The following MEIS1 variants were observed in gnomAD, a reference collection of about 807,000 sequenced individuals.
MEIS1 encodes Meis homeobox 1.
MEIS1 carries 5 observed loss-of-function variants against 50.8 expected under a neutral mutation model. The ratio of observed to expected loss-of-function variants is 0.10; its 90% CI spans 0.05 to 0.21. The LOEUF (loss-of-function observed/expected upper bound fraction) is 0.21, where lower values mean the gene tolerates loss of function less well. MEIS1 is among the 10% of genes least tolerant of loss of function. The pLI is 1.00. For synonymous variants in MEIS1, 176 were observed against 179.3 expected, an observed-to-expected ratio of 0.98 and a Z score of 0.15; for missense variants, 318 against 517.3, an observed-to-expected ratio of 0.61 and a Z score of 3.74.
At chr2:66,547,616 A>T (rs899604610) in intron 8 of MEIS1, among the ~76,000 whole-genome samples, 1 of 152,202 alleles carries the variant, frequency 6.6e-6, no homozygotes, top group Admixed American at 6.6e-5. Context: ...TTTAGGTGGT[A>T]ACAAATGGCT....
At chr2:66,439,391 C>G in intron 2 of MEIS1, 5 of 1,264,108 alleles carry the variant, frequency 4.0e-6, no homozygotes, top group South Asian at 3.0e-5. Flanking sequence ...CCGAGATCCC[C>G]CGAGCCTGGG....
At chr2:66,487,651 G>T (rs1206373715) in intron 7 of MEIS1, among the ~76,000 whole-genome samples, 2 of 152,192 alleles carry the variant, frequency 1.3e-5, no homozygotes, top group East Asian at 3.8e-4. Context: ...GTCCTTCTAA[G>T]AGGACCTGTG....
intron 8 of MEIS1, among the ~76,000 whole-genome samples, chr2:66,531,079 G>T (rs113278899): frequency 7.2e-5 from 11 of 152,286 alleles, no homozygotes; most frequent in African/African-American, 2.4e-4. Flanking sequence ...CACGTTAACA[G>T]GTGAACAATC....
At chr2:66,528,744 A>G (rs1012181221) in intron 8 of MEIS1, among the ~76,000 whole-genome samples, 2 of 152,148 alleles carry the variant, frequency 1.3e-5, no homozygotes, top group Middle Eastern at 3.2e-3. Flanking sequence ...CCTTATTTTG[A>G]CACAGTTTTT....
At chr2:66,507,741 A>G (rs1200277517) in intron 7 of MEIS1, among the ~76,000 whole-genome samples, 1 of 152,226 alleles carries the variant, frequency 6.6e-6, no homozygotes, top group African/African-American at 2.4e-5. Context: ...AGTCTGACCC[A>G]TTGAATGGCC....
intron 9 of MEIS1, among the ~76,000 whole-genome samples, chr2:66,556,769 G>T (rs1342295232): frequency 6.6e-6 from 1 of 152,062 alleles, no homozygotes; most frequent in Non-Finnish European, 1.5e-5. Context: ...TGGGTAGGGG[G>T]ATGTTTTAAA....
intron 8 of MEIS1, among the ~76,000 whole-genome samples, chr2:66,519,376 G>A (rs1189504052): frequency 1.3e-5 from 2 of 152,120 alleles, no homozygotes; most frequent in African/African-American, 2.4e-5. Context: ...TGATGTGTGA[G>A]CACTTTCACT....
At chr2:66,495,078 ACCTTTTTTTTTTTT>A (rs1259348951) in intron 7 of MEIS1, among the ~76,000 whole-genome samples, 4 of 85,014 alleles carry the variant, frequency 4.7e-5, no homozygotes, top group Admixed American at 1.3e-4. Flanking sequence ...CCCTCTTCTG[ACCTTTTTTTTTTTT>A]TTTTTTTTTT....
intron 9 of MEIS1, among the ~76,000 whole-genome samples, chr2:66,557,430 T>TA (rs1418106202): frequency 6.6e-6 from 1 of 152,214 alleles, no homozygotes; most frequent in Non-Finnish European, 1.5e-5. Context: ...TGCCCCTCTT[T>TA]ATACTTCCGT....
intron 7 of MEIS1, among the ~76,000 whole-genome samples, chr2:66,480,816 G>T (rs1034174428): frequency 6.6e-6 from 1 of 152,134 alleles, no homozygotes; most frequent in Non-Finnish European, 1.5e-5. Flanking sequence ...GAGAATAACT[G>T]CTTGCTGACT....
chr2:66,502,010 T>C (rs1673568650), intron 7 of MEIS1, among the ~76,000 whole-genome samples: 1 of 152,224 alleles, frequency 6.6e-6, no homozygotes, highest in African/African-American at 2.4e-5. Flanking sequence ...CTTAATTGAA[T>C]GAATTATTTA....
chr2:66,530,319 A>G lies in MEIS1; in HGVS notation c.889-17624A>G, dbSNP rs762047805. Among the ~76,000 whole-genome samples, 76 of 152,226 alleles carry G rather than the reference A, an allele frequency of 5.0e-4. 1 individual carries two copies. The highest frequency in any genetic ancestry group is 4.1e-4 in the South Asian group (2 of 4,832). ...GACTGGCTAGACTTTTAACAGGCAC[A>G]TTTCATAATCAATCTGTTTTTCACA... is the stretch of plus-strand genomic sequence containing the variant. On this transcript the variant is annotated intron_variant, in intron 8 of 12. Coordinates refer to ENST00000272369, the MANE Select transcript of MEIS1 (RefSeq NM_002398.3).
At chr2:66,523,583 T>G (rs1042996543) in intron 8 of MEIS1, among the ~76,000 whole-genome samples, 2 of 152,216 alleles carry the variant, frequency 1.3e-5, no homozygotes, top group Admixed American at 1.3e-4. Context: ...TGAGCTGACG[T>G]GTATGTTGAA....
At chr2:66,555,350 C>T (rs1675035124) in intron 9 of MEIS1, among the ~76,000 whole-genome samples, 1 of 146,366 alleles carries the variant, frequency 6.8e-6, no homozygotes, top group Non-Finnish European at 1.5e-5. Context: ...GTGGAAGAAC[C>T]GTATTACATT....
intron 7 of MEIS1, among the ~76,000 whole-genome samples, chr2:66,497,286 A>T (rs535574610): frequency 6.6e-6 from 1 of 152,334 alleles, no homozygotes; most frequent in Admixed American, 6.5e-5. Flanking sequence ...TGTATTCCTT[A>T]TCTGTATAGC....
chr2:66,492,291 T>C (rs538632088), intron 7 of MEIS1, among the ~76,000 whole-genome samples: 79 of 152,132 alleles, frequency 5.2e-4, no homozygotes, highest in African/African-American at 1.9e-3. Context: ...CAACTCCACA[T>C]GTTCCGTAGA....
At chr2:66,533,530 T>A (rs1035390765) in intron 8 of MEIS1, among the ~76,000 whole-genome samples, 32 of 152,182 alleles carry the variant, frequency 2.1e-4, no homozygotes, top group Non-Finnish European at 4.3e-4. Flanking sequence ...TGTCTTTTTT[T>A]AACACTCTTT....
chr2:66,541,552 T>G (rs1674652830), intron 8 of MEIS1, among the ~76,000 whole-genome samples: 1 of 152,172 alleles, frequency 6.6e-6, no homozygotes, highest in Non-Finnish European at 1.5e-5. Context: ...TAACTGCTGT[T>G]GGATATACAG....
chr2:66,443,094 G>A (rs753189607), intron 6 of MEIS1, 46 bp downstream of exon 6: 11 of 1,546,194 alleles, frequency 7.1e-6, no homozygotes, highest in Non-Finnish European at 9.5e-6. Context: ...AAAAAAATCT[G>A]TATGCATATT....
Sources: allele counts gnomAD v4.1 joint callset (sites outside exome capture counted in the v4.1 genomes callset), GRCh38; gene constraint gnomAD v4.1.1; transcripts MANE v1.5; gene names NCBI Gene and HGNC (gene_info 2026-07-23, HGNC 2026-07-21).